The following NEBL variants were observed in gnomAD, a reference collection of about 807,000 sequenced individuals.
NEBL encodes nebulette, also known as LIM and SH3 protein 2.
Under a neutral mutation model 140.2 loss-of-function variants are expected in NEBL, and 122 were observed. The ratio of observed to expected loss-of-function variants is 0.87; its 90% CI spans 0.75 to 1.01. The LOEUF is 1.01. NEBL is among the 50% of genes least tolerant of loss of function. The pLI is 0.00. For synonymous variants in NEBL, 436 were observed against 398.9 expected (o/e 1.09, Z -1.11); for missense variants, 1,365 against 1,231.3 (o/e 1.11, Z -1.62).
chr10:21,220,698 A>C (rs1464302394), intron 3 of NEBL, among the ~76,000 whole-genome samples: 1 of 152,256 alleles, frequency 6.6e-6, no homozygotes, highest in Non-Finnish European at 1.5e-5. Flanking sequence ...AACAATCAAC[A>C]GAGTGAAGAG....
At chr10:21,035,705 C>G (rs1833987972) in intron 2 of NEBL, among the ~76,000 whole-genome samples, 1 of 147,936 alleles carries the variant, frequency 6.8e-6, no homozygotes, top group Admixed American at 6.9e-5. Flanking sequence ...GAACTAGACA[C>G]CATATTTTAA....
Position 21,186,988 on chromosome 10 carries a change from ATGTGTGTGTGTGTGTGTG to A in NEBL, n.349-14529_349-14512del, listed in dbSNP as rs35359446. 3.8e-3 allele frequency among the ~76,000 whole-genome samples: 534 copies of A among 141,986 alleles called. 5 individuals carry two copies. The highest frequency in any genetic ancestry group is 0.013 in the African/African-American group (500 of 39,100). 93.1% of individuals were successfully genotyped at this position (141,986 alleles called of 152,430 possible). A position where few individuals can be genotyped will look rare whatever the true frequency, so the allele number is the denominator to read the frequency against. ...CACAGATACAGAGGGCCAACTCTGTATGTGTGTGTGTGTGTGTGTGTGTGTGTGTGTGTGTGTGTGTAT... is the reference window on the plus strand; with the variant it reads ...CACAGATACAGAGGGCCAACTCTGTATGTGTGTGTGTGTGTGTGTGTGTAT... On this transcript the variant is annotated intron_variant and non_coding_transcript_variant, in intron 3 of 8. Transcript: ENST00000675702.
intron 1 of NEBL, among the ~76,000 whole-genome samples, chr10:21,283,489 C>T (rs1337737987): frequency 2.0e-5 from 3 of 152,126 alleles, no homozygotes; most frequent in Non-Finnish European, 2.9e-5. Context: ...TTATTTGTTG[C>T]GTGAGATCCA....
rs374158464 is a variant in NEBL at position 21,117,904 on chromosome 10, T to C, written c.164+54479A>G. ...ATAAGTTATCTAACCTGAGTCCACC[T>C]GATCTATAAAAAAAGAATATTAGAA... is the stretch of plus-strand genomic sequence containing the variant. On this transcript the variant is annotated intron_variant, in intron 2 of 6. Coordinates refer to the NEBL transcript ENST00000417816. 2.0e-5 allele frequency among the ~76,000 whole-genome samples: 3 copies of C among 152,126 alleles called. No homozygotes were observed. The East Asian group carries it at 5.8e-4, about 29-fold the overall frequency.
At chr10:20,922,722 C>T (rs1486519853) in intron 4 of NEBL, among the ~76,000 whole-genome samples, 1 of 152,200 alleles carries the variant, frequency 6.6e-6, no homozygotes, top group African/African-American at 2.4e-5. Flanking sequence ...TGCACTCACC[C>T]AGCCTGACAC....
At chr10:21,009,279 G>A (rs1167993686) in intron 3 of NEBL, among the ~76,000 whole-genome samples, 1 of 152,122 alleles carries the variant, frequency 6.6e-6, no homozygotes, top group African/African-American at 2.4e-5. Flanking sequence ...CTTGGAATTG[G>A]TATATTTAGT....
At chr10:21,200,189 A>C (rs1478493788) in intron 3 of NEBL, among the ~76,000 whole-genome samples, 1 of 151,660 alleles carries the variant, frequency 6.6e-6, no homozygotes, top group Admixed American at 6.6e-5. Context: ...CCCACTCGCT[A>C]CTCAGACTCA....
At chr10:21,015,476 A>G (rs1488401834) in intron 3 of NEBL, among the ~76,000 whole-genome samples, 2 of 152,210 alleles carry the variant, frequency 1.3e-5, no homozygotes, top group Non-Finnish European at 2.9e-5. Context: ...ACATGATATT[A>G]AAATAATCAG....
chr10:21,074,032 G>GCA, intron 2 of NEBL, among the ~76,000 whole-genome samples: 1 of 151,864 alleles, frequency 6.6e-6, no homozygotes, highest in Non-Finnish European at 1.5e-5. Context: ...CCGAGATCAT[G>GCA]CCACTGCACT....
chr10:21,029,389 A>C lies in NEBL; in HGVS notation c.165-9188T>G, dbSNP rs183610526. The C allele has an allele frequency of 1.2e-5, 20 of 1,611,588 alleles. No homozygotes were observed. In the Admixed American group the frequency reaches 2.5e-4, roughly 20 times the overall value. On this transcript the variant is annotated intron_variant, in intron 2 of 6. Coordinates refer to the NEBL transcript ENST00000417816. ...TGCAGTGCGTTTACCACGTGAACCC[A>C]GCAATCCAGAGAGGTTGAAAGGTTT...
chr10:20,799,032 G>GT (rs1836840531), intron 26 of NEBL, among the ~76,000 whole-genome samples: 1 of 152,092 alleles, frequency 6.6e-6, no homozygotes, highest in East Asian at 1.9e-4. Context: ...TGTACAATGT[G>GT]TTTTTTTCAC....
intron 4 of NEBL, among the ~76,000 whole-genome samples, chr10:20,950,998 G>GGT (rs1273469574): frequency 6.6e-6 from 1 of 152,144 alleles, no homozygotes; most frequent in African/African-American, 2.4e-5. Context: ...GGCCTGGTAT[G>GGT]GTGGCTCATA....
rs1292143821 is a variant in NEBL at position 20,782,040 on chromosome 10, T to C, written c.*3707A>G. 6.6e-6 allele frequency: 1 copy of C among 152,606 alleles called. No individual in the cohort carries two copies. Among genetic ancestry groups the C allele is most frequent in the African/African-American group, 2.4e-5 (1 of 41,448 alleles). 9.5% of individuals were successfully genotyped at this position (152,606 alleles called of 1,614,324 possible). A position where few individuals can be genotyped will look rare whatever the true frequency, so the allele number is the denominator to read the frequency against. On this transcript the variant is annotated 3_prime_UTR_variant, in exon 28 of 28. Transcript: ENST00000377122. The stretch of plus-strand genomic sequence containing the variant: ...ATCCCAAATCTAAAGTTAATGTTTA[T>C]ATAGCTCAACTCTATATAAATCCAC...
chr10:21,049,335 G>A (rs916737800), intron 2 of NEBL, among the ~76,000 whole-genome samples: 5 of 152,102 alleles, frequency 3.3e-5, no homozygotes, highest in Admixed American at 3.3e-4. Context: ...CCACACCCAG[G>A]GTCTGGGGCC....
chr10:20,941,887 T>C (rs1236958118), intron 4 of NEBL, among the ~76,000 whole-genome samples: 1 of 151,976 alleles, frequency 6.6e-6, no homozygotes, highest in South Asian at 2.1e-4. Flanking sequence ...ACAAGGGATG[T>C]GAAGGACCTC....
At chr10:20,932,863 C>T (rs1484994277) in intron 4 of NEBL, among the ~76,000 whole-genome samples, 2 of 152,198 alleles carry the variant, frequency 1.3e-5, no homozygotes, top group African/African-American at 2.4e-5. Flanking sequence ...TCCCCCAGTA[C>T]AAATGTTCAT....
chr10:20,851,700 G>T (rs369258889), intron 10 of NEBL, among the ~76,000 whole-genome samples: 3 of 151,822 alleles, frequency 2.0e-5, no homozygotes, highest in Non-Finnish European at 2.9e-5. Context: ...CAGGAGAATC[G>T]CTTGAACCCA....
intron 2 of NEBL, among the ~76,000 whole-genome samples, chr10:21,043,574 T>C (rs1310437763): frequency 6.6e-6 from 1 of 152,252 alleles, no homozygotes; most frequent in Non-Finnish European, 1.5e-5. Context: ...AAAGGAATTC[T>C]CTTTTTAACT....
At chr10:21,276,859 C>T (rs1250085216) in intron 1 of NEBL, among the ~76,000 whole-genome samples, 1 of 152,108 alleles carries the variant, frequency 6.6e-6, no homozygotes, top group Non-Finnish European at 1.5e-5. Flanking sequence ...ATCCCAGCTA[C>T]TTGTGAAGCT....
Sources: gnomAD v4.1 joint callset for allele counts (sites outside exome capture counted in the v4.1 genomes callset) on GRCh38, gnomAD v4.1.1 for gene constraint, MANE v1.5 for transcripts, NCBI Gene and HGNC (gene_info 2026-07-23, HGNC 2026-07-21) for gene names.